Variants in PRKRIP1 observed in about 807,000 individuals in gnomAD.
The protein encoded by PRKRIP1 is PRKR-interacting protein 1.
A neutral mutation model predicts 29.3 loss-of-function variants in PRKRIP1; 29 were observed. The observed-to-expected ratio is 0.99, with a 90% CI of 0.74 to 1.35. The LOEUF is 1.35. Among genes scored for constraint, PRKRIP1 ranks in the 40% most tolerant of loss-of-function variants. PRKRIP1 has a pLI of 0.00. For missense variants in PRKRIP1, 247 were observed against 236.8 expected (o/e 1.04, Z -0.28); for synonymous variants, 90 against 85.1 (o/e 1.06, Z -0.32).
chr7:102,401,764 G>T (rs906793828), intron 3 of PRKRIP1, among the ~76,000 whole-genome samples: 2 of 152,134 alleles, frequency 1.3e-5, no homozygotes, highest in Non-Finnish European at 1.5e-5. Flanking sequence ...TTAACCAGGC[G>T]CAGTGGTGCA....
Position 102,413,956 on chromosome 7 carries a change from G to A in PRKRIP1, c.457+6458G>A, listed in dbSNP as rs973664256. ...GAGTACTGGAAGGAGGGCCAGGTGCGGCGGCTCACACCTGTAATCATAGCA... is the reference window on the plus strand; with the variant it reads ...GAGTACTGGAAGGAGGGCCAGGTGCAGCGGCTCACACCTGTAATCATAGCA... On this transcript the variant is annotated intron_variant, in intron 5 of 5. Coordinates refer to ENST00000397912, the MANE Select transcript of PRKRIP1 (RefSeq NM_024653.4). Among the ~76,000 whole-genome samples the A allele has an allele frequency of 6.6e-5, 10 of 152,070 alleles. No homozygotes were observed. In the East Asian group the frequency reaches 7.7e-4, roughly 12 times the overall value.
intron 5 of PRKRIP1, among the ~76,000 whole-genome samples, chr7:102,419,592 GT>G (rs1486465791): frequency 6.6e-6 from 1 of 152,124 alleles, no homozygotes; most frequent in African/African-American, 2.4e-5. Context: ...CCTGGCAGCT[GT>G]TTACTGCCTC....
intron 4 of PRKRIP1, 112 bp from the exon 5 acceptor site, chr7:102,407,322 G>T: frequency 1.6e-6 from 1 of 633,648 alleles, no homozygotes; most frequent in South Asian, 2.2e-5. Flanking sequence ...TTTTGTTATT[G>T]TAATGTTTGT....
At chr7:102,412,397 A>G (rs1267044937) in intron 5 of PRKRIP1, among the ~76,000 whole-genome samples, 1 of 152,088 alleles carries the variant, frequency 6.6e-6, no homozygotes, top group Non-Finnish European at 1.5e-5. Flanking sequence ...CCTACAAAAT[A>G]TTTAAAAATA....
At chr7:102,419,770 C>A (rs546559346) in intron 5 of PRKRIP1, among the ~76,000 whole-genome samples, 1 of 152,138 alleles carries the variant, frequency 6.6e-6, no homozygotes, top group African/African-American at 2.4e-5. Flanking sequence ...GAAGGACAGC[C>A]TGGTTGTATC....
At chr7:102,413,809 T>A (rs1554572777) in intron 5 of PRKRIP1, among the ~76,000 whole-genome samples, 1 of 152,216 alleles carries the variant, frequency 6.6e-6, no homozygotes, top group African/African-American at 2.4e-5. Context: ...TATTCATTCA[T>A]CTGTTAAAAA....
At chr7:102,422,405 G>A (rs1334948537) in intron 5 of PRKRIP1, among the ~76,000 whole-genome samples, 2 of 150,498 alleles carry the variant, frequency 1.3e-5, no homozygotes, top group East Asian at 2.0e-4. Flanking sequence ...CATGATCTCC[G>A]CTTGCTGCAA....
chr7:102,414,485 A>G (rs1796477795), intron 5 of PRKRIP1, among the ~76,000 whole-genome samples: 1 of 152,154 alleles, frequency 6.6e-6, no homozygotes, highest in Non-Finnish European at 1.5e-5. Context: ...GCCATAATAC[A>G]CCTAATCTTT....
chr7:102,397,314 G>A (rs10268289), intron 1 of PRKRIP1, among the ~76,000 whole-genome samples: 11,248 of 152,104 alleles, frequency 0.074, 453 homozygotes, highest in African/African-American at 0.096. Flanking sequence ...GAGGCCAGGC[G>A]GGAGGATGGT....
intron 5 of PRKRIP1, chr7:102,423,487 G>GTT: frequency 4.3e-6 from 1 of 230,522 alleles, no homozygotes; most frequent in Admixed American, 5.2e-5. Context: ...CTGGGTCCCT[G>GTT]TCTTAGTGAA....
In PRKRIP1 at chr7:102,397,710, GT is replaced by G; in HGVS notation, c.205+13del. On this transcript the variant is annotated intron_variant, in intron 2 of 5. Transcript: ENST00000397912. Reference sequence around the variant, plus strand: ...CCGAGATGTCATGGGTAATGGCTGTGTGTGTGTGTGTGTGTGTGTGTGTGTG... The same window carrying G: ...CCGAGATGTCATGGGTAATGGCTGTGGTGTGTGTGTGTGTGTGTGTGTGTG... 4.2e-5 allele frequency: 1 copy of G among 23,568 alleles called. No homozygotes were observed. The highest frequency in any genetic ancestry group is 1.5e-4 in the Non-Finnish European group (1 of 6,790). 1.5% of individuals were successfully genotyped at this position (23,568 alleles called of 1,614,324 possible).
intron 5 of PRKRIP1, among the ~76,000 whole-genome samples, chr7:102,411,173 C>G (rs1467824107): frequency 1.3e-5 from 2 of 152,146 alleles, no homozygotes; most frequent in African/African-American, 2.4e-5. Flanking sequence ...AAGTGATCCT[C>G]CCACTTCAGC....
Position 102,407,340 on chromosome 7 carries a change from C to T in PRKRIP1, c.393-94C>T, listed in dbSNP as rs187603433. The T allele has an allele frequency of 2.3e-3, 1,636 of 705,112 alleles. 6 individuals are homozygous for T. The highest frequency in any genetic ancestry group is 2.1e-3 in the Non-Finnish European group (871 of 410,560). 43.7% of individuals were successfully genotyped at this position (705,112 alleles called of 1,614,324 possible). On this transcript the variant is annotated intron_variant, in intron 4 of 5. Coordinates refer to ENST00000397912, the MANE Select transcript of PRKRIP1 (RefSeq NM_024653.4). ...TGTTATTGTAATGTTTGTGTTATTCCGCAGGTTTTAGAGATACCATAAGGA... is the reference window on the plus strand; with the variant it reads ...TGTTATTGTAATGTTTGTGTTATTCTGCAGGTTTTAGAGATACCATAAGGA...
chr7:102,416,784 ATCCTCCT>A (rs1457037486), intron 5 of PRKRIP1, among the ~76,000 whole-genome samples: 1 of 150,704 alleles, frequency 6.6e-6, no homozygotes, highest in Non-Finnish European at 1.5e-5. Flanking sequence ...GGCTCAGGTG[ATCCTCCT>A]TCCTCAGCCT....
chr7:102,398,970 A>G (rs1355662209), intron 2 of PRKRIP1, among the ~76,000 whole-genome samples: 2 of 152,090 alleles, frequency 1.3e-5, no homozygotes, highest in Non-Finnish European at 2.9e-5. Context: ...AAAAATGTAA[A>G]AATTAGCCAG....
intron 5 of PRKRIP1, among the ~76,000 whole-genome samples, chr7:102,413,221 C>G (rs958686268): frequency 6.0e-4 from 92 of 152,268 alleles, no homozygotes; most frequent in African/African-American, 2.2e-3. Context: ...TCTCCAGACA[C>G]GACCAGATGC....
At chr7:102,421,238 A>ATTCT in intron 5 of PRKRIP1, among the ~76,000 whole-genome samples, 2 of 152,186 alleles carry the variant, frequency 1.3e-5, no homozygotes, top group Non-Finnish European at 2.9e-5. Context: ...CATGAACAGA[A>ATTCT]GTTGGTGAAA....
chr7:102,416,043 C>A (rs1328833015), intron 5 of PRKRIP1, among the ~76,000 whole-genome samples: 1 of 152,258 alleles, frequency 6.6e-6, no homozygotes, highest in Non-Finnish European at 1.5e-5. Context: ...CTTCCTCTTA[C>A]AATGCTTTCT....
At chr7:102,402,981 T>C (rs571480628) in intron 3 of PRKRIP1, among the ~76,000 whole-genome samples, 135 of 152,072 alleles carry the variant, frequency 8.9e-4, no homozygotes, top group African/African-American at 3.1e-3. Flanking sequence ...TTCAAGCAAT[T>C]CTAGTGTCTC....
Sources: gnomAD v4.1 joint callset for allele counts (sites outside exome capture counted in the v4.1 genomes callset) on GRCh38, gnomAD v4.1.1 for gene constraint, MANE v1.5 for transcripts, NCBI Gene and HGNC (gene_info 2026-07-23, HGNC 2026-07-21) for gene names.